The following MYO1E variants were observed in gnomAD, a reference collection of about 807,000 sequenced individuals.
MYO1E encodes the protein unconventional myosin-Ie.
In MYO1E, 68 loss-of-function variants were observed where a neutral mutation model predicts 151.1. The observed-to-expected ratio is 0.45, with a 90% confidence interval of 0.37 to 0.55. The LOEUF is 0.55. Ranked by LOEUF, MYO1E falls within the 20% of genes least tolerant of loss-of-function variation. MYO1E has a pLI of 0.00. For missense variants in MYO1E, 1,363 were observed against 1,389.3 expected (o/e 0.98, Z 0.30); for synonymous variants, 601 against 501.7 (o/e 1.20, Z -2.64).
intron 3 of MYO1E, 112 bp downstream of exon 3, chr15:59,261,308 A>G: frequency 1.8e-6 from 1 of 571,066 alleles, no homozygotes; most frequent in Non-Finnish European, 3.2e-6. Flanking sequence ...AAGTTTCTCC[A>G]ATAAAAAATT....
intron 2 of MYO1E, chr15:59,264,801 C>G (rs2080243614): frequency 6.6e-6 from 1 of 152,174 alleles, no homozygotes; most frequent in East Asian, 1.9e-4. Context: ...TGGGTGGACC[C>G]CTTGAGCTCA....
At chr15:59,251,500 C>T (rs1015837105) in intron 4 of MYO1E, among the ~76,000 whole-genome samples, 4 of 152,060 alleles carry the variant, frequency 2.6e-5, no homozygotes, top group African/African-American at 7.2e-5. Flanking sequence ...AGGACGTTTG[C>T]GACTATTAGA....
At chr15:59,213,172 A>G (rs1359118781) in intron 12 of MYO1E, among the ~76,000 whole-genome samples, 2 of 144,142 alleles carry the variant, frequency 1.4e-5, no homozygotes, top group Non-Finnish European at 3.1e-5. Context: ...TATTATTATT[A>G]TTATTATTAT....
chr15:59,307,880 G>A (rs1196376565), intron 1 of MYO1E, among the ~76,000 whole-genome samples: 1 of 150,800 alleles, frequency 6.6e-6, no homozygotes, highest in Non-Finnish European at 1.5e-5. Context: ...AAAGTGCTGG[G>A]ATTACAGGCG....
intron 4 of MYO1E, among the ~76,000 whole-genome samples, chr15:59,241,908 G>T (rs1427279270): frequency 6.9e-6 from 1 of 145,876 alleles, no homozygotes; most frequent in Non-Finnish European, 1.5e-5. Context: ...AACAAAGTGA[G>T]ATCCTGTCTC....
chr15:59,355,331 A>C (rs2080847154), intron 1 of MYO1E, among the ~76,000 whole-genome samples: 2 of 152,130 alleles, frequency 1.3e-5, no homozygotes, highest in Admixed American at 6.5e-5. Context: ...TCTACAAGCC[A>C]CTGGCAATTC....
intron 9 of MYO1E, among the ~76,000 whole-genome samples, chr15:59,220,992 T>C (rs1026608669): frequency 7.0e-6 from 1 of 142,346 alleles, no homozygotes; most frequent in Admixed American, 7.1e-5. Context: ...TCACATTATA[T>C]ATATAATTAT....
chr15:59,137,281 C>T lies in MYO1E; in HGVS notation c.*99G>A. The T allele has an allele frequency of 9.1e-7, 1 of 1,093,938 alleles. No individual in the cohort carries two copies. Among genetic ancestry groups the T allele is most frequent in the Non-Finnish European group, 1.4e-6 (1 of 713,376 alleles). The allele number at this position is 1,093,938 out of a possible 1,614,324, so 67.8% of individuals were successfully genotyped here. The stretch of plus-strand genomic sequence containing the variant: ...AGAATAGCTCCAGGCCTTGGAGAAG[C>T]AATTGCTCATTGTGGATTGTAAGGG... On this transcript the variant is annotated 3_prime_UTR_variant, in exon 28 of 28. Coordinates refer to ENST00000288235, the MANE Select transcript of MYO1E (RefSeq NM_004998.4).
chr15:59,230,872 T>C (rs115552491), intron 6 of MYO1E, among the ~76,000 whole-genome samples: 13 of 152,368 alleles, frequency 8.5e-5, no homozygotes, highest in African/African-American at 3.1e-4. Context: ...CGTGAATGCT[T>C]TAGTGCCAGA....
At chr15:59,152,402 T>C (rs1481906308) in intron 26 of MYO1E, among the ~76,000 whole-genome samples, 1 of 152,070 alleles carries the variant, frequency 6.6e-6, no homozygotes, top group Non-Finnish European at 1.5e-5. Context: ...GGAAGTGGGC[T>C]TGAGAGAGGG....
At chr15:59,368,272 T>C (rs750183724) in intron 1 of MYO1E, among the ~76,000 whole-genome samples, 1 of 152,194 alleles carries the variant, frequency 6.6e-6, no homozygotes, top group Non-Finnish European at 1.5e-5. Flanking sequence ...ATATTCCATA[T>C]TTACTCTCTA....
intron 1 of MYO1E, among the ~76,000 whole-genome samples, chr15:59,324,545 A>G (rs2080650376): frequency 6.6e-6 from 1 of 152,176 alleles, no homozygotes; most frequent in Non-Finnish European, 1.5e-5. Context: ...AAGGTAGAGA[A>G]GAAGCACACC....
intron 1 of MYO1E, among the ~76,000 whole-genome samples, chr15:59,298,936 T>C (rs2080466961): frequency 6.6e-6 from 1 of 152,218 alleles, no homozygotes; most frequent in South Asian, 2.1e-4. Context: ...TGTGTGGAAA[T>C]ATTACCTCAG....
rs575130038 is a variant in MYO1E, at chr15:59,187,223, G to T, written c.1904+895C>A. On this transcript the variant is annotated intron_variant, in intron 18 of 27. Coordinates refer to ENST00000288235, the MANE Select transcript of MYO1E (RefSeq NM_004998.4). ...TATTCTACAATAAATAACAGTAAAA[G>T]AATTATTATTACAATGCAATGATAA... Among the ~76,000 whole-genome samples, 55 of 152,148 alleles carry T rather than the reference G, an allele frequency of 3.6e-4. No homozygotes were observed. The South Asian group carries it at 0.01, about 29-fold the overall frequency.
At chr15:59,305,092 T>C (rs1021995734) in intron 1 of MYO1E, among the ~76,000 whole-genome samples, 1 of 152,222 alleles carries the variant, frequency 6.6e-6, no homozygotes, top group Admixed American at 6.5e-5. Flanking sequence ...CTGTCACCAG[T>C]TCCTGGAGGT....
At chr15:59,354,018 ACACT>A (rs1343167740) in intron 1 of MYO1E, among the ~76,000 whole-genome samples, 1 of 152,212 alleles carries the variant, frequency 6.6e-6, no homozygotes, top group Non-Finnish European at 1.5e-5. Context: ...TCTCTACCAC[ACACT>A]AAGAAAAACC....
chr15:59,158,284 T>C lies in MYO1E; in HGVS notation c.2878+3A>G. ...CCCAGACTACGGTACGTAGCTGGCT[T>C]ACCTGGGGGAGGAGGGGCAGCTCTC... On this transcript the variant is annotated splice_donor_region_variant and intron_variant, in intron 25 of 27. Coordinates refer to ENST00000288235, the MANE Select transcript of MYO1E (RefSeq NM_004998.4). 3.8e-6 allele frequency: 6 copies of C among 1,563,666 alleles called. No individual in the cohort carries two copies. The highest frequency in any genetic ancestry group is 5.2e-6 in the Non-Finnish European group (6 of 1,150,536).
At chr15:59,328,532 G>C (rs1368096556) in intron 1 of MYO1E, among the ~76,000 whole-genome samples, 3 of 140,624 alleles carry the variant, frequency 2.1e-5, no homozygotes, top group Non-Finnish European at 4.5e-5. Context: ...CATTTCATGA[G>C]ACATAAATTC....
intron 22 of MYO1E, among the ~76,000 whole-genome samples, chr15:59,170,491 T>C (rs2079586378): frequency 1.3e-5 from 2 of 151,384 alleles, no homozygotes; most frequent in Non-Finnish European, 2.9e-5. Flanking sequence ...CCAGGAAGAG[T>C]GTGGCCAGCA....
Sources: gnomAD v4.1 joint callset for allele counts (sites outside exome capture counted in the v4.1 genomes callset) on GRCh38, gnomAD v4.1.1 for gene constraint, MANE v1.5 for transcripts, NCBI Gene and HGNC (gene_info 2026-07-23, HGNC 2026-07-21) for gene names.